Variants in NPR2 observed in about 807,000 individuals in gnomAD.
NPR2 encodes the protein atrial natriuretic peptide receptor 2.
Under a neutral mutation model 120.7 loss-of-function variants are expected in NPR2, and 49 were observed. The ratio of observed to expected loss-of-function variants is 0.41; its 90% CI spans 0.32 to 0.52. NPR2 has a LOEUF of 0.52. Among genes scored for constraint, NPR2 ranks in the 20% least tolerant of loss-of-function variants. The pLI is 0.36. For synonymous variants in NPR2, 484 were observed against 519.8 expected, an observed-to-expected ratio of 0.93 and a Z score of 0.94; for missense variants, 931 against 1,362.9, an observed-to-expected ratio of 0.68 and a Z score of 4.99.
In NPR2 at chr9:35,806,202, C is replaced by T. The variant is rs768852284; in HGVS notation, c.2341C>T (p.Gln781Ter). ...QDPAERPDFG[Q>*]IKGFIRRFNK... ...CCCAGCTGAGCGGCCAGACTTTGGA[C>T]AGATTAAGGGCTTCATTCGGCGCTT... The change falls in exon 15 of 22, where the codon CAG becomes TAG. Residue 781 changes from glutamine to a stop codon, truncating the protein, a stop_gained. Coordinates refer to ENST00000342694, the MANE Select transcript of NPR2 (RefSeq NM_003995.4). LOFTEE classifies it high-confidence loss of function. This position sits in a 1 kb window ranked among gnomAD's most constrained non-coding sequence, Gnocchi z 4.6. The T allele has an allele frequency of 5.0e-6, 8 of 1,614,092 alleles. No homozygotes were observed. Among genetic ancestry groups the T allele is most frequent in the Non-Finnish European group, 6.8e-6 (8 of 1,180,056 alleles).
Position 35,809,709 on chromosome 9 carries a change from T to C in NPR2, c.*264T>C. Reference sequence around the variant, plus strand: ...AATATTTTGGTCAAATATAAAACAATAATAAAAAAAGTTCTGATGTCATAG... The same window carrying C: ...AATATTTTGGTCAAATATAAAACAACAATAAAAAAAGTTCTGATGTCATAG... On this transcript the variant is annotated 3_prime_UTR_variant, in exon 22 of 22. Coordinates refer to ENST00000342694, the MANE Select transcript of NPR2 (RefSeq NM_003995.4). The surrounding 1 kb of genome is among the most constrained non-coding windows in gnomAD (Gnocchi z 4.1). 7.9e-7 allele frequency: 1 copy of C among 1,260,246 alleles called. No homozygotes were observed. The highest frequency in any genetic ancestry group is 1.1e-6 in the Non-Finnish European group (1 of 882,116). The allele number at this position is 1,260,246 out of a possible 1,614,324, so 78.1% of individuals were successfully genotyped here.
In NPR2 at chr9:35,792,816, T is replaced by A; in HGVS notation, c.408T>A (p.Tyr136Ter). The A allele has an allele frequency of 6.2e-7, 1 of 1,614,198 alleles. No individual in the cohort carries two copies. Residue 136 changes from tyrosine to a stop codon, truncating the protein, a stop_gained, in exon 1 of 22, where the codon TAT becomes TAA. Coordinates refer to ENST00000342694, the MANE Select transcript of NPR2 (RefSeq NM_003995.4). LOFTEE classifies it high-confidence loss of function. ...GTTTTTCGGCTAAGAATGACCATTA[T>A]CGTACCCTGGTTCGCACTGGCCCCT... ...ASGFSAKNDH[Y>*]RTLVRTGPSA... is the part of the protein sequence containing the mutation.
At position 35,801,724 on chromosome 9, in the gene NPR2, T is replaced by G. The variant is rs752103094; in HGVS notation, c.1518T>G (p.Arg506=). The part of the protein sequence containing the change: ...WEELQFGNSE[R]YHKGAGSRLT... ...AACTGCAGTTTGGCAACTCAGAGCG[T>G]TATCACAAAGGTGCAGGCAGTCGCC... The change falls in exon 8 of 22, where the codon CGT becomes CGG. Residue 506 remains arginine, a synonymous_variant. Transcript: ENST00000342694. The G allele has an allele frequency of 6.2e-7, 1 of 1,614,048 alleles. No individual in the cohort carries two copies. The highest frequency in any genetic ancestry group is 1.3e-5 in the African/African-American group (1 of 74,900).
intron 2 of NPR2, among the ~76,000 whole-genome samples, chr9:35,795,870 G>T (rs1459642566): frequency 1.3e-5 from 2 of 152,104 alleles, no homozygotes; most frequent in Non-Finnish European, 2.9e-5. Context: ...TGATTTATTT[G>T]AAGGCTGACT....
rs1176725255 is a variant in NPR2, at chr9:35,800,186, A to G, written c.1123+29A>G. 1 of 1,600,136 alleles carries G rather than the reference A, an allele frequency of 6.2e-7. No homozygotes were observed. The highest frequency in any genetic ancestry group is 2.2e-5 in the East Asian group (1 of 44,828). Reference sequence around the variant, plus strand: ...ATGAAGAGGGGTCAATGGGGGTCTGAGGGCTGATGTCAGGAATAGAGTGGG... The same window carrying G: ...ATGAAGAGGGGTCAATGGGGGTCTGGGGGCTGATGTCAGGAATAGAGTGGG... On this transcript the variant is annotated intron_variant, in intron 4 of 21. Coordinates refer to ENST00000342694, the MANE Select transcript of NPR2 (RefSeq NM_003995.4). This position sits in a 1 kb window ranked among gnomAD's most constrained non-coding sequence, Gnocchi z 4.7.
intron 12 of NPR2, among the ~76,000 whole-genome samples, chr9:35,803,076 G>T (rs1828235152): frequency 6.6e-6 from 1 of 152,090 alleles, no homozygotes; most frequent in African/African-American, 2.4e-5. Context: ...TTACCTCTAA[G>T]AACTCATAAA....
chr9:35,808,148 AT>A lies in NPR2; in HGVS notation c.2713-358del. 1 of 1,582,538 alleles carries A rather than the reference AT, an allele frequency of 6.3e-7. No homozygotes were observed. Among genetic ancestry groups the A allele is most frequent in the Non-Finnish European group, 8.7e-7 (1 of 1,151,672 alleles). On this transcript the variant is annotated intron_variant, in intron 18 of 21. Transcript: ENST00000342694. The surrounding 1 kb of genome is among the most constrained non-coding windows in gnomAD (Gnocchi z 4.0). Reference sequence around the variant, plus strand: ...TCTGACAGTTTGGGCTGTCAGGTCCATTTCACTGGGCCTGCTTTACCTCCTC... The same window carrying A: ...TCTGACAGTTTGGGCTGTCAGGTCCATTCACTGGGCCTGCTTTACCTCCTC...
chr9:35,806,688 C>A lies in NPR2; in HGVS notation c.2519+150C>A. The A allele has an allele frequency of 1.1e-6, 1 of 883,894 alleles. No individual in the cohort carries two copies. The highest frequency in any genetic ancestry group is 1.8e-6 in the Non-Finnish European group (1 of 544,552). 54.8% of individuals were successfully genotyped at this position (883,894 alleles called of 1,614,324 possible). On this transcript the variant is annotated intron_variant, in intron 16 of 21. Transcript: ENST00000342694. The surrounding 1 kb of genome is among the most constrained non-coding windows in gnomAD (Gnocchi z 4.6). ...TGCTTATAGATTATTTGCTGTCATT[C>A]TGTCTCCACATCAGCTATGCTGCCT...
At position 35,800,744 on chromosome 9, in the gene NPR2, T is replaced by G; in HGVS notation, c.1254T>G (p.Ile418Met). 6.2e-7 allele frequency: 1 copy of G among 1,614,090 alleles called. No individual in the cohort carries two copies. The highest frequency in any genetic ancestry group is 8.5e-7 in the Non-Finnish European group (1 of 1,179,994). Residue 418 changes from isoleucine to methionine, a missense_variant, in exon 6 of 22, where the codon ATT becomes ATG. Around this residue, in one of 3 missense-constraint regions of NPR2, gnomAD observed 681 missense variants for 974.3 expected, o/e 0.70. Transcript: ENST00000342694. The surrounding 1 kb of genome is among the most constrained non-coding windows in gnomAD (Gnocchi z 4.7). The stretch of plus-strand genomic sequence containing the variant: ...ACTACTCGGGAGCTGAGAAGCAGAT[T>G]TGGTGGACGGGACGGCCTATTCCCT... ...AAHYSGAEKQ[I>M]WWTGRPIPWV... is the part of the protein sequence containing the mutation.
chr9:35,805,515 T>C lies in NPR2; in HGVS notation c.1892T>C (p.Met631Thr). 1 of 1,614,232 alleles carries C rather than the reference T, an allele frequency of 6.2e-7. No homozygotes were observed. Among genetic ancestry groups the C allele is most frequent in the South Asian group, 1.1e-5 (1 of 91,084 alleles). Reference protein sequence around the residue: ...YSLINDLVKGMAFLHNSIISS... With the variant: ...YSLINDLVKGTAFLHNSIISS... ...GACTTGATCTGTACCCTGCAGGGCA[T>C]GGCCTTTCTCCACAACAGCATTATT... The change falls in exon 13 of 22, where the codon ATG becomes ACG. Residue 631 changes from methionine to threonine, a missense_variant. This residue lies in a region of NPR2 where 681 missense variants were observed against 974.3 expected (regional missense o/e 0.70). Coordinates refer to ENST00000342694, the MANE Select transcript of NPR2 (RefSeq NM_003995.4). This position sits in a 1 kb window ranked among gnomAD's most constrained non-coding sequence, Gnocchi z 4.9.
chr9:35,803,902 A>G (rs968255879), intron 12 of NPR2, among the ~76,000 whole-genome samples: 1 of 152,254 alleles, frequency 6.6e-6, no homozygotes, highest in Admixed American at 6.5e-5. Context: ...GATGATAAAC[A>G]TAAGACACGA....
Position 35,805,970 on chromosome 9 carries a change from G to T in NPR2, c.2188G>T (p.Asp730Tyr), listed in dbSNP as rs1828359555. 6.2e-7 allele frequency: 1 copy of T among 1,614,198 alleles called. No homozygotes were observed. The highest frequency in any genetic ancestry group is 2.2e-5 in the East Asian group (1 of 44,878). ...RSGPFYLEGL[D>Y]LSPKEIVQKV... ...TGGTCCTTTCTACTTGGAGGGCCTG[G>T]ACCTCAGCCCCAAAGGTAAGAGTCA... Residue 730 changes from aspartate to tyrosine, a missense_variant, in exon 14 of 22, where the codon GAC (aspartate) becomes TAC (tyrosine). Asp to Tyr is a radical substitution (Grantham distance 160). Coordinates refer to ENST00000342694, the MANE Select transcript of NPR2 (RefSeq NM_003995.4). The surrounding 1 kb of genome is among the most constrained non-coding windows in gnomAD (Gnocchi z 4.9).
rs5817 is a variant in NPR2 at position 35,807,392 on chromosome 9, C to T, written c.2706C>T (p.Val902=). 6.2e-7 allele frequency: 1 copy of T among 1,607,162 alleles called. No homozygotes were observed. Among genetic ancestry groups the T allele is most frequent in the Admixed American group, 1.7e-5 (1 of 59,288 alleles). ...ATGCCATAATTGACAACTTTGATGT[C>T]TACAAGGTGAGAGCTGGGGCCGCTG... ...CFDAIIDNFD[V]YKVETIGDAY... The change falls in exon 18 of 22, where the codon GTC becomes GTT. Residue 902 remains valine (V), a synonymous_variant. Coordinates refer to ENST00000342694, the MANE Select transcript of NPR2 (RefSeq NM_003995.4).
In NPR2 at chr9:35,806,077, A is replaced by G; in HGVS notation, c.2216A>G (p.Lys739Arg). Residue 739 changes from lysine (K) to arginine (R), a missense_variant, in exon 15 of 22, where the codon AAG (lysine) becomes AGG (arginine). This residue lies in a region of NPR2 where 681 missense variants were observed against 974.3 expected (regional missense o/e 0.70). Coordinates refer to ENST00000342694, the MANE Select transcript of NPR2 (RefSeq NM_003995.4). The surrounding 1 kb of genome is among the most constrained non-coding windows in gnomAD (Gnocchi z 4.6). ...LDLSPKEIVQ[K>R]VRNGQRPYFR... is the part of the protein sequence containing the mutation. ...TGATCACCCTCAGAGATTGTCCAGAAGGTACGAAATGGTCAGCGGCCATAT... is the reference window on the plus strand; with the variant it reads ...TGATCACCCTCAGAGATTGTCCAGAGGGTACGAAATGGTCAGCGGCCATAT... The G allele has an allele frequency of 6.2e-7, 1 of 1,614,182 alleles. No individual in the cohort carries two copies. Among genetic ancestry groups the G allele is most frequent in the Non-Finnish European group, 8.5e-7 (1 of 1,180,036 alleles).
rs753389361 is a variant in NPR2 at position 35,799,687 on chromosome 9, A to G, written c.943A>G (p.Ile315Val). 1.2e-6 allele frequency: 2 copies of G among 1,613,912 alleles called. No individual in the cohort carries two copies. Among genetic ancestry groups the G allele is most frequent in the South Asian group, 1.1e-5 (1 of 91,052 alleles). Residue 315 changes from isoleucine (I) to valine (V), a missense_variant, in exon 3 of 22, where the codon ATA (isoleucine) becomes GTA (valine). Ile to Val is a conservative substitution (Grantham distance 29). Around this residue, in one of 3 missense-constraint regions of NPR2, gnomAD observed 681 missense variants for 974.3 expected, o/e 0.70. Transcript: ENST00000342694. ...TCAGGAATTCCAGAATCGTCTGCTG[A>G]TAAGAGCCCGGGAAGACTTTGGTGT... ...EYQEFQNRLL[I>V]RAREDFGVEL...
At chr9:35,795,868 T>C (rs1827930751) in intron 2 of NPR2, among the ~76,000 whole-genome samples, 1 of 152,232 alleles carries the variant, frequency 6.6e-6, no homozygotes, top group Non-Finnish European at 1.5e-5. Flanking sequence ...TTTGATTTAT[T>C]TGAAGGCTGA....
Position 35,808,088 on chromosome 9 carries a change from A to G in NPR2, c.2713-421A>G. 1.0e-6 allele frequency: 1 copy of G among 1,004,018 alleles called. No individual in the cohort carries two copies. Among genetic ancestry groups the G allele is most frequent in the South Asian group, 1.3e-5 (1 of 75,180 alleles). The allele number at this position is 1,004,018 out of a possible 1,614,324, so 62.2% of individuals were successfully genotyped here. A position where few individuals can be genotyped will look rare whatever the true frequency, so the allele number is the denominator to read the frequency against. ...ATTTATTCTCTTACATAGCTTTGGC[A>G]CAATTACCAAAATCAAATGCCTGCT... On this transcript the variant is annotated intron_variant, in intron 18 of 21. Transcript: ENST00000342694. This position sits in a 1 kb window ranked among gnomAD's most constrained non-coding sequence, Gnocchi z 4.0.
At position 35,800,621 on chromosome 9, in the gene NPR2, C is replaced by T; in HGVS notation, c.1219-88C>T. On this transcript the variant is annotated intron_variant, in intron 5 of 21. Coordinates refer to ENST00000342694, the MANE Select transcript of NPR2 (RefSeq NM_003995.4). The surrounding 1 kb of genome is among the most constrained non-coding windows in gnomAD (Gnocchi z 4.7). ...CACTGCATCCTGGCTGGGTGGTAGG[C>T]TGGGGAGAAAAGCAGCGAAACAGCT... 1.2e-6 allele frequency: 2 copies of T among 1,606,754 alleles called. No homozygotes were observed. Among genetic ancestry groups the T allele is most frequent in the Non-Finnish European group, 1.7e-6 (2 of 1,174,182 alleles).
At position 35,809,671 on chromosome 9, in the gene NPR2, G is replaced by T. The variant is rs764758483; in HGVS notation, c.*226G>T. On this transcript the variant is annotated 3_prime_UTR_variant, in exon 22 of 22. Coordinates refer to ENST00000342694, the MANE Select transcript of NPR2 (RefSeq NM_003995.4). The surrounding 1 kb of genome is among the most constrained non-coding windows in gnomAD (Gnocchi z 4.1). Reference sequence around the variant, plus strand: ...TCCTCCCTACTTTCTGTAAATATCTGTATCTAAACCAGAATATTTTGGTCA... The same window carrying T: ...TCCTCCCTACTTTCTGTAAATATCTTTATCTAAACCAGAATATTTTGGTCA... 3 of 1,128,222 alleles carry T rather than the reference G, an allele frequency of 2.7e-6. No individual in the cohort carries two copies. The highest frequency in any genetic ancestry group is 2.7e-6 in the Non-Finnish European group (2 of 750,824). The allele number at this position is 1,128,222 out of a possible 1,614,324, so 69.9% of individuals were successfully genotyped here.
Sources: allele counts gnomAD v4.1 joint callset (sites outside exome capture counted in the v4.1 genomes callset), GRCh38; gene constraint gnomAD v4.1.1; regional missense constraint gnomAD v4.1.1; non-coding constraint Gnocchi (gnomAD v3.1); transcripts MANE v1.5; gene names NCBI Gene and HGNC (gene_info 2026-07-23, HGNC 2026-07-21).